Variants in CHST11 observed in about 807,000 individuals in gnomAD.
The protein encoded by CHST11 is C4S-1.
Under a neutral mutation model 30.4 loss-of-function variants are expected in CHST11, and 9 were observed. The ratio of observed to expected loss-of-function variants is 0.30; its 90% CI spans 0.18 to 0.52. The LOEUF is 0.52. Among genes scored for constraint, CHST11 ranks in the 20% least tolerant of loss-of-function variants. The probability of loss-of-function intolerance (pLI) is 0.97; values close to 1 mark genes in which losing one functional copy is unlikely to be tolerated. For synonymous variants in CHST11, 152 were observed against 187.8 expected (o/e 0.81, Z 1.56); for missense variants, 348 against 460.6 (o/e 0.76, Z 2.24).
intron 1 of CHST11, among the ~76,000 whole-genome samples, chr12:104,571,815 GT>G (rs2038629034): frequency 6.6e-6 from 1 of 152,176 alleles, no homozygotes; most frequent in South Asian, 2.1e-4. Context: ...ACTGCTTCCA[GT>G]TTTTGATCAT....
chr12:104,551,673 G>A (rs1412381922), intron 1 of CHST11, among the ~76,000 whole-genome samples: 4 of 152,118 alleles, frequency 2.6e-5, no homozygotes, highest in South Asian at 2.1e-4. Flanking sequence ...GGGTGGGGAG[G>A]CCTAACAAGT....
intron 1 of CHST11, among the ~76,000 whole-genome samples, chr12:104,596,773 G>A (rs1228177735): frequency 1.3e-5 from 2 of 152,160 alleles, no homozygotes; most frequent in Non-Finnish European, 2.9e-5. Flanking sequence ...GTACATTCTC[G>A]CTACGTGGTA....
intron 2 of CHST11, among the ~76,000 whole-genome samples, chr12:104,693,243 G>C (rs964964117): frequency 2.6e-5 from 4 of 152,186 alleles, no homozygotes; most frequent in Non-Finnish European, 5.9e-5. Context: ...CTGAAGTGCT[G>C]GGGGCTAAGA....
intron 2 of CHST11, among the ~76,000 whole-genome samples, chr12:104,658,339 T>A (rs2039565458): frequency 6.6e-6 from 1 of 152,236 alleles, no homozygotes; most frequent in Non-Finnish European, 1.5e-5. Context: ...GGCTGGTAGA[T>A]GCACCTTCAT....
intron 2 of CHST11, among the ~76,000 whole-genome samples, chr12:104,686,932 G>C (rs1176649668): frequency 6.6e-6 from 1 of 152,232 alleles, no homozygotes; most frequent in African/African-American, 2.4e-5. Context: ...ACAGGTGTGA[G>C]CCACCACACC....
At chr12:104,524,865 A>G (rs552681504) in intron 1 of CHST11, among the ~76,000 whole-genome samples, 1 of 152,070 alleles carries the variant, frequency 6.6e-6, no homozygotes, top group South Asian at 2.1e-4. Context: ...ACCTATTTTT[A>G]TTTTGTTTTG....
At chr12:104,566,087 A>G (rs2038563569) in intron 1 of CHST11, among the ~76,000 whole-genome samples, 1 of 152,202 alleles carries the variant, frequency 6.6e-6, no homozygotes, top group African/African-American at 2.4e-5. Context: ...TCCAGGCAGC[A>G]TGACTGTGGC....
intron 2 of CHST11, among the ~76,000 whole-genome samples, chr12:104,722,155 AGTGTGTGTGTGT>A (rs57545833): frequency 0.053 from 7,330 of 137,564 alleles, 692 homozygotes; most frequent in East Asian, 0.35. Flanking sequence ...CACTCAGCTA[AGTGTGTGTGTGT>A]GTGTGTGTGT....
intron 2 of CHST11, among the ~76,000 whole-genome samples, chr12:104,654,759 C>T (rs984077614): frequency 2.0e-5 from 3 of 152,150 alleles, no homozygotes; most frequent in East Asian, 1.9e-4. Context: ...CGCAGACAGA[C>T]GCCAACCTCT....
chr12:104,659,382 G>T (rs540936693), intron 2 of CHST11, among the ~76,000 whole-genome samples: 2 of 152,138 alleles, frequency 1.3e-5, no homozygotes, highest in African/African-American at 4.8e-5. Flanking sequence ...TTACTTCTCC[G>T]TATCTCTAAG....
intron 2 of CHST11, among the ~76,000 whole-genome samples, chr12:104,664,818 G>A (rs1272093857): frequency 1.3e-5 from 2 of 152,196 alleles, no homozygotes; most frequent in African/African-American, 2.4e-5. Context: ...GAAATTGCAA[G>A]AACTGTTTCA....
At chr12:104,631,981 A>G (rs1343468228) in intron 2 of CHST11, among the ~76,000 whole-genome samples, 1 of 152,116 alleles carries the variant, frequency 6.6e-6, no homozygotes, top group Non-Finnish European at 1.5e-5. Context: ...TTGAGGCACA[A>G]TGCTGAGGGG....
intron 1 of CHST11, among the ~76,000 whole-genome samples, chr12:104,518,991 A>T (rs1482649871): frequency 7.4e-4 from 66 of 88,710 alleles, no homozygotes; most frequent in African/African-American, 1.0e-3. Context: ...TTTTTTTTTA[A>T]CTCTTTCTTC....
chr12:104,650,924 A>G (rs2039484220), intron 2 of CHST11, among the ~76,000 whole-genome samples: 2 of 152,224 alleles, frequency 1.3e-5, no homozygotes, highest in African/African-American at 4.8e-5. Context: ...GATCCTGGGC[A>G]AGTCACAGAT....
intron 2 of CHST11, among the ~76,000 whole-genome samples, chr12:104,616,083 GGCAGAGAGGA>G (rs1326274647): frequency 1.3e-5 from 2 of 152,202 alleles, no homozygotes; most frequent in African/African-American, 2.4e-5. Context: ...CAGGCACAAA[GGCAGAGAGGA>G]GCAAATGGTC....
chr12:104,759,136 T>A lies in CHST11; in HGVS notation c.*1333T>A, dbSNP rs1252768021. Reference sequence around the variant, plus strand: ...ACACTTGGGGATTTGCAATGGTTTTTACCCCTCATGAAGGTCAGAGGTGGA... The same window carrying A: ...ACACTTGGGGATTTGCAATGGTTTTAACCCCTCATGAAGGTCAGAGGTGGA... On this transcript the variant is annotated 3_prime_UTR_variant, in exon 3 of 3. Coordinates refer to ENST00000303694, the MANE Select transcript of CHST11 (RefSeq NM_018413.6). 1 of 152,198 alleles carries A rather than the reference T, an allele frequency of 6.6e-6. No individual in the cohort carries two copies. Among genetic ancestry groups the A allele is most frequent in the Non-Finnish European group, 1.5e-5 (1 of 68,036 alleles). 9.4% of individuals were successfully genotyped at this position (152,198 alleles called of 1,614,324 possible). A position where few individuals can be genotyped will look rare whatever the true frequency, so the allele number is the denominator to read the frequency against.
intron 2 of CHST11, among the ~76,000 whole-genome samples, chr12:104,734,806 A>G (rs2136134805): frequency 6.6e-6 from 1 of 152,340 alleles, no homozygotes; most frequent in Middle Eastern, 3.4e-3. Flanking sequence ...GCAAGAGAAC[A>G]CAGACAAAAG....
At chr12:104,635,109 C>T (rs894675143) in intron 2 of CHST11, among the ~76,000 whole-genome samples, 1 of 152,106 alleles carries the variant, frequency 6.6e-6, no homozygotes, top group Non-Finnish European at 1.5e-5. Flanking sequence ...CAGCTTCATT[C>T]TCCTTTGAGA....
At chr12:104,461,000 A>G (rs1334095810) in intron 1 of CHST11, among the ~76,000 whole-genome samples, 1 of 152,188 alleles carries the variant, frequency 6.6e-6, no homozygotes, top group Non-Finnish European at 1.5e-5. Flanking sequence ...TGCTGGATGA[A>G]TGCATGAAGT....
Sources: gnomAD v4.1 joint callset for allele counts (sites outside exome capture counted in the v4.1 genomes callset) on GRCh38, gnomAD v4.1.1 for gene constraint, MANE v1.5 for transcripts, NCBI Gene and HGNC (gene_info 2026-07-23, HGNC 2026-07-21) for gene names.